The following ATRNL1 variants were observed in gnomAD, a reference collection of about 807,000 sequenced individuals.
The protein encoded by ATRNL1 is attractin like 1.
A neutral mutation model predicts 182.7 loss-of-function variants in ATRNL1; 95 were observed. That is an observed-to-expected ratio of 0.52 (90% confidence interval 0.44 to 0.62). The LOEUF is 0.62. Ranked by LOEUF, ATRNL1 falls within the 20% of genes least tolerant of loss-of-function variation. The pLI, the probability that ATRNL1 is intolerant of heterozygous loss-of-function variation, is 0.00. For missense variants in ATRNL1, 1,471 were observed against 1,679.5 expected (o/e 0.88, Z 2.17); for synonymous variants, 576 against 568.3 (o/e 1.01, Z -0.19).
intron 26 of ATRNL1, among the ~76,000 whole-genome samples, chr10:115,559,780 A>C (rs1416230837): frequency 6.6e-6 from 1 of 152,174 alleles, no homozygotes; most frequent in African/African-American, 2.4e-5. Flanking sequence ...CCAATAACCC[A>C]CATCTGGCAT....
chr10:115,481,848 T>C (rs12250436), intron 24 of ATRNL1, among the ~76,000 whole-genome samples: 6,961 of 151,026 alleles, frequency 0.046, 573 homozygotes, highest in African/African-American at 0.16. Context: ...ATAACTATAC[T>C]TGATTTGTTT....
At chr10:115,408,235 C>G (rs1844954477) in intron 20 of ATRNL1, among the ~76,000 whole-genome samples, 1 of 151,376 alleles carries the variant, frequency 6.6e-6, no homozygotes, top group Non-Finnish European at 1.5e-5. Context: ...GATCTCCTGA[C>G]CTCATGATCC....
intron 15 of ATRNL1, among the ~76,000 whole-genome samples, chr10:115,297,214 T>G (rs1431010999): frequency 1.3e-5 from 2 of 152,228 alleles, no homozygotes; most frequent in South Asian, 4.1e-4. Flanking sequence ...ATCAGTTTTA[T>G]AATATTTTTG....
At chr10:115,523,793 A>G (rs1311627479) in intron 25 of ATRNL1, among the ~76,000 whole-genome samples, 12 of 152,108 alleles carry the variant, frequency 7.9e-5, no homozygotes, top group Admixed American at 7.2e-4. Flanking sequence ...TCATTTTTCT[A>G]TCTTATGAGC....
chr10:115,499,958 T>C (rs1554979596), intron 24 of ATRNL1, among the ~76,000 whole-genome samples: 1 of 152,214 alleles, frequency 6.6e-6, no homozygotes, highest in East Asian at 1.9e-4. Flanking sequence ...AGGTTTTGTC[T>C]GATCTTTTAT....
At chr10:115,243,379 C>G (rs1041717428) in intron 10 of ATRNL1, among the ~76,000 whole-genome samples, 7 of 151,966 alleles carry the variant, frequency 4.6e-5, no homozygotes, top group Non-Finnish European at 8.8e-5. Flanking sequence ...TATGATGATT[C>G]TAATTACTAC....
chr10:115,121,900 T>G (rs1323347965), intron 3 of ATRNL1, 88 bp downstream of exon 3: 15 of 569,586 alleles, frequency 2.6e-5, no homozygotes, highest in Non-Finnish European at 4.6e-5. Flanking sequence ...AAAATAAATT[T>G]AGTAAAGATA....
intron 26 of ATRNL1, among the ~76,000 whole-genome samples, chr10:115,665,285 G>T (rs1430255441): frequency 2.6e-5 from 4 of 152,206 alleles, no homozygotes; most frequent in Non-Finnish European, 4.4e-5. Flanking sequence ...GATATTTAAA[G>T]ATCACTAATA....
intron 5 of ATRNL1, among the ~76,000 whole-genome samples, chr10:115,139,758 G>A (rs561216076): frequency 2.6e-5 from 4 of 152,264 alleles, no homozygotes; most frequent in African/African-American, 9.6e-5. Context: ...TTTTCCTATG[G>A]CTGATAAATG....
intron 26 of ATRNL1, among the ~76,000 whole-genome samples, chr10:115,591,667 C>G (rs781906367): frequency 1.2e-4 from 19 of 152,178 alleles, no homozygotes; most frequent in Non-Finnish European, 2.4e-4. Context: ...GCTTTCTCAA[C>G]CTTTCTTCTA....
At chr10:115,428,733 C>CT (rs1345671492) in intron 21 of ATRNL1, among the ~76,000 whole-genome samples, 1 of 152,036 alleles carries the variant, frequency 6.6e-6, no homozygotes, top group East Asian at 1.9e-4. Flanking sequence ...CCATTTTTGT[C>CT]CATTCATAAG....
chr10:115,788,276 A>T (rs1302873046), intron 27 of ATRNL1, among the ~76,000 whole-genome samples: 1 of 152,186 alleles, frequency 6.6e-6, no homozygotes, highest in Non-Finnish European at 1.5e-5. Flanking sequence ...ACTTCCCCAT[A>T]GAATAGATTT....
chr10:115,456,909 C>T (rs1040203268), intron 21 of ATRNL1, among the ~76,000 whole-genome samples: 38 of 152,002 alleles, frequency 2.5e-4, no homozygotes, highest in African/African-American at 8.7e-4. Flanking sequence ...CATCCAGTGG[C>T]TTTTTTGCTC....
At chr10:115,515,077 C>T (rs961736118) in intron 24 of ATRNL1, among the ~76,000 whole-genome samples, 1 of 151,800 alleles carries the variant, frequency 6.6e-6, no homozygotes, top group Non-Finnish European at 1.5e-5. Flanking sequence ...TTCAACTAAC[C>T]TAGTCTTGTA....
chr10:115,310,011 TTG>T (rs1241992191), intron 17 of ATRNL1, among the ~76,000 whole-genome samples: 1 of 152,158 alleles, frequency 6.6e-6, no homozygotes, highest in Admixed American at 6.6e-5. Context: ...TTTTATTATT[TTG>T]TGGTATGTTC....
intron 19 of ATRNL1, among the ~76,000 whole-genome samples, chr10:115,363,892 A>G (rs1340839747): frequency 6.7e-6 from 1 of 150,246 alleles, no homozygotes; most frequent in Admixed American, 6.6e-5. Context: ...CTGTTTTGGT[A>G]CCAGTACCAT....
At chr10:115,617,548 C>T (rs781789577) in intron 26 of ATRNL1, among the ~76,000 whole-genome samples, 4 of 151,412 alleles carry the variant, frequency 2.6e-5, no homozygotes, top group Admixed American at 1.3e-4. Context: ...TTTGTAGAGA[C>T]GGGGTTTCAC....
intron 9 of ATRNL1, among the ~76,000 whole-genome samples, chr10:115,231,367 A>G (rs545855200): frequency 1.0e-3 from 158 of 151,490 alleles, no homozygotes; most frequent in African/African-American, 3.5e-3. Context: ...TGAACTTGAC[A>G]AGAGAAGTTT....
intron 27 of ATRNL1, among the ~76,000 whole-genome samples, chr10:115,790,497 T>C (rs2134209962): frequency 6.6e-6 from 1 of 152,266 alleles, no homozygotes; most frequent in African/African-American, 2.4e-5. Flanking sequence ...TATCTGTTCC[T>C]AAACAGTGAC....
Sources: gnomAD v4.1 joint callset for allele counts (sites outside exome capture counted in the v4.1 genomes callset) on GRCh38, gnomAD v4.1.1 for gene constraint, MANE v1.5 for transcripts, NCBI Gene and HGNC (gene_info 2026-07-23, HGNC 2026-07-21) for gene names.